CNTN4: variants seen among roughly 807,000 people sequenced by gnomAD.
The protein encoded by CNTN4 is contactin 4, also known as contactin-4.
Under a neutral mutation model 122.5 loss-of-function variants are expected in CNTN4, and 77 were observed. The observed-to-expected ratio is 0.63, with a 90% CI of 0.52 to 0.76. CNTN4 has a LOEUF of 0.76. Ranked by LOEUF, CNTN4 falls within the 30% of genes least tolerant of loss-of-function variation. The pLI, the probability that CNTN4 is intolerant of heterozygous loss-of-function variation, is 0.00. For synonymous variants in CNTN4, 512 were observed against 447.0 expected, an observed-to-expected ratio of 1.15 and a Z score of -1.83; for missense variants, 1,256 against 1,259.1, an observed-to-expected ratio of 1.00 and a Z score of 0.04.
chr3:2,606,859 C>A (rs1043194840), intron 4 of CNTN4, among the ~76,000 whole-genome samples: 3 of 152,134 alleles, frequency 2.0e-5, no homozygotes. Context: ...GTAAGTAAAA[C>A]CTAAACTTTT....
At chr3:2,480,148 C>G (rs1346688981) in intron 3 of CNTN4, among the ~76,000 whole-genome samples, 2 of 151,728 alleles carry the variant, frequency 1.3e-5, no homozygotes, top group East Asian at 3.9e-4. Flanking sequence ...TAAAAAAAAC[C>G]CTACAGTTAA....
chr3:2,374,817 A>G (rs550492590), intron 3 of CNTN4, among the ~76,000 whole-genome samples: 6 of 152,354 alleles, frequency 3.9e-5, no homozygotes, highest in Non-Finnish European at 8.8e-5. Flanking sequence ...TGATGAAATG[A>G]AGATCACATT....
In CNTN4 at chr3:2,396,879, T is replaced by A. The variant is rs971831979; in HGVS notation, c.-89+57646T>A. 7.2e-5 allele frequency among the ~76,000 whole-genome samples: 11 copies of A among 152,192 alleles called. 1 individual carries two copies. Among genetic ancestry groups the A allele is most frequent in the African/African-American group, 2.7e-4 (11 of 41,442 alleles). Reference sequence around the variant, plus strand: ...TATAATCTAAGGAGCTGCAGTAATGTCATTCTTCCCATTTAGTGGTGTGTT... The same window carrying A: ...TATAATCTAAGGAGCTGCAGTAATGACATTCTTCCCATTTAGTGGTGTGTT... On this transcript the variant is annotated intron_variant, in intron 3 of 24. Coordinates refer to ENST00000418658, the MANE Select transcript of CNTN4 (RefSeq NM_175607.3).
intron 2 of CNTN4, among the ~76,000 whole-genome samples, chr3:2,242,293 T>C (rs2149618361): frequency 6.6e-6 from 1 of 152,216 alleles, no homozygotes; most frequent in South Asian, 2.1e-4. Flanking sequence ...GAATGTACTA[T>C]ATGCATTCAC....
intron 17 of CNTN4, 39 bp from the exon 18 acceptor site, chr3:3,037,140 G>C: frequency 1.2e-6 from 2 of 1,611,970 alleles, no homozygotes; most frequent in Non-Finnish European, 8.5e-7. Context: ...TGTTTTCTGA[G>C]AACCTATGAA....
At chr3:2,233,656 C>T (rs1445169974) in intron 2 of CNTN4, among the ~76,000 whole-genome samples, 1 of 152,056 alleles carries the variant, frequency 6.6e-6, no homozygotes, top group Non-Finnish European at 1.5e-5. Context: ...CCCCTCACCC[C>T]CAATTGAACC....
intron 4 of CNTN4, chr3:2,629,474 T>A (rs1342891231): frequency 2.5e-6 from 1 of 396,282 alleles, no homozygotes; most frequent in Non-Finnish European, 5.0e-6. Context: ...GTTTCTGAAT[T>A]TGATTTTCTA....
chr3:2,249,540 A>G (rs1356047304), intron 2 of CNTN4, among the ~76,000 whole-genome samples: 1 of 151,910 alleles, frequency 6.6e-6, no homozygotes, highest in Non-Finnish European at 1.5e-5. Flanking sequence ...TGGGCCAAAT[A>G]ATCTAGCTTG....
intron 3 of CNTN4, among the ~76,000 whole-genome samples, chr3:2,411,208 T>C (rs1465096046): frequency 1.3e-5 from 2 of 152,094 alleles, no homozygotes; most frequent in Non-Finnish European, 2.9e-5. Context: ...TCAGGATAAA[T>C]AGCTAATGCA....
intron 13 of CNTN4, among the ~76,000 whole-genome samples, chr3:2,963,809 G>C (rs2125029654): frequency 6.6e-6 from 1 of 152,254 alleles, no homozygotes; most frequent in East Asian, 1.9e-4. Context: ...ACTGAAATGT[G>C]AGATCCTTAA....
intron 3 of CNTN4, among the ~76,000 whole-genome samples, chr3:2,381,836 A>G (rs1392590527): frequency 2.0e-5 from 3 of 152,192 alleles, no homozygotes; most frequent in Admixed American, 1.3e-4. Context: ...CAGAAAACAT[A>G]TATTTTAATA....
intron 4 of CNTN4, among the ~76,000 whole-genome samples, chr3:2,732,045 C>T (rs2088723767): frequency 6.6e-6 from 1 of 152,170 alleles, no homozygotes; most frequent in Non-Finnish European, 1.5e-5. Flanking sequence ...TTCCTGGATG[C>T]TTCCCTCTCA....
At chr3:2,973,585 A>G (rs1393601696) in intron 13 of CNTN4, among the ~76,000 whole-genome samples, 1 of 152,072 alleles carries the variant, frequency 6.6e-6, no homozygotes, top group East Asian at 1.9e-4. Flanking sequence ...AATCAGTCCT[A>G]ATCCCAGGAA....
At chr3:2,245,965 C>T (rs1045784398) in intron 2 of CNTN4, among the ~76,000 whole-genome samples, 4 of 151,986 alleles carry the variant, frequency 2.6e-5, no homozygotes, top group Non-Finnish European at 2.9e-5. Flanking sequence ...CAGAGAGATA[C>T]ATCTGTGTGC....
At chr3:2,956,451 T>C (rs1160962575) in intron 13 of CNTN4, among the ~76,000 whole-genome samples, 1 of 152,040 alleles carries the variant, frequency 6.6e-6, no homozygotes, top group Non-Finnish European at 1.5e-5. Context: ...ATGTTATATA[T>C]ATATTTTACC....
intron 4 of CNTN4, among the ~76,000 whole-genome samples, chr3:2,714,957 A>G (rs1481560583): frequency 6.6e-6 from 1 of 152,206 alleles, no homozygotes; most frequent in Admixed American, 6.5e-5. Flanking sequence ...AGGCTGTACT[A>G]TCTTGCTTTA....
intron 3 of CNTN4, among the ~76,000 whole-genome samples, chr3:2,371,584 A>G (rs2045634793): frequency 6.6e-6 from 1 of 152,224 alleles, no homozygotes; most frequent in Non-Finnish European, 1.5e-5. Context: ...GGTTCTCAGT[A>G]TAACATTTGT....
At chr3:2,571,887 T>C (rs1211736068) in intron 4 of CNTN4, among the ~76,000 whole-genome samples, 1 of 151,882 alleles carries the variant, frequency 6.6e-6, no homozygotes, top group Non-Finnish European at 1.5e-5. Flanking sequence ...AAACTGATAA[T>C]ATAGTCTGGA....
At position 2,695,556 on chromosome 3, in the gene CNTN4, A is replaced by G. The variant is rs180705047; in HGVS notation, c.56-40659A>G. On this transcript the variant is annotated intron_variant, in intron 4 of 24. Coordinates refer to ENST00000418658, the MANE Select transcript of CNTN4 (RefSeq NM_175607.3). ...CTGATGTCAGTTTGATGTCCTCCTC[A>G]GTTTATTCTGTAACAGGTTTTGTGA... 1.6e-3 allele frequency among the ~76,000 whole-genome samples: 240 copies of G among 152,228 alleles called. 1 individual carries two copies. Among genetic ancestry groups the G allele is most frequent in the African/African-American group, 5.7e-3 (236 of 41,546 alleles).
Sources: gnomAD v4.1 joint callset for allele counts (sites outside exome capture counted in the v4.1 genomes callset) on GRCh38, gnomAD v4.1.1 for gene constraint, MANE v1.5 for transcripts, NCBI Gene and HGNC (gene_info 2026-07-23, HGNC 2026-07-21) for gene names.